The following SCAPER variants were observed in gnomAD, a reference collection of about 807,000 sequenced individuals.
SCAPER encodes S phase cyclin A-associated protein in the endoplasmic reticulum.
Under a neutral mutation model 182.2 loss-of-function variants are expected in SCAPER, and 98 were observed. The observed-to-expected ratio is 0.54, with a 90% CI of 0.46 to 0.64. The LOEUF (loss-of-function observed/expected upper bound fraction) is 0.64, where lower values mean the gene tolerates loss of function less well. Among genes scored for constraint, SCAPER ranks in the 30% least tolerant of loss-of-function variants. The pLI is 0.00. For missense variants in SCAPER, 1,432 were observed against 1,690.0 expected, an observed-to-expected ratio of 0.85 and a Z score of 2.68; for synonymous variants, 605 against 564.6, an observed-to-expected ratio of 1.07 and a Z score of -1.01.
chr15:76,381,261 T>G (rs138259050), intron 28 of SCAPER, 117 bp downstream of exon 28: 110 of 670,206 alleles, frequency 1.6e-4, no homozygotes, highest in African/African-American at 1.6e-3. Context: ...ATATTATAAT[T>G]CCATTTATTG....
At chr15:76,543,942 A>T (rs1387868577) in intron 23 of SCAPER, among the ~76,000 whole-genome samples, 1 of 152,222 alleles carries the variant, frequency 6.6e-6, no homozygotes, top group African/African-American at 2.4e-5. Context: ...TAACATTTCT[A>T]AGGGACTTAT....
At chr15:76,836,571 G>A (rs2068969888) in intron 5 of SCAPER, among the ~76,000 whole-genome samples, 1 of 152,022 alleles carries the variant, frequency 6.6e-6, no homozygotes, top group African/African-American at 2.4e-5. Flanking sequence ...AACTCAAAAT[G>A]GATTTAAAAA....
intron 20 of SCAPER, among the ~76,000 whole-genome samples, chr15:76,676,951 T>C (rs547922749): frequency 6.6e-6 from 1 of 151,960 alleles, no homozygotes; most frequent in East Asian, 1.9e-4. Context: ...GCAGTATCTT[T>C]CAAGTAAAGA....
At chr15:76,743,591 C>A (rs988460682) in intron 15 of SCAPER, among the ~76,000 whole-genome samples, 5 of 151,510 alleles carry the variant, frequency 3.3e-5, no homozygotes, top group Non-Finnish European at 5.9e-5. Context: ...TACAGCTAAC[C>A]AAAGAGGTGA....
Position 76,807,029 on chromosome 15 carries a change from C to A in SCAPER, c.394-2396G>T, listed in dbSNP as rs574804260. On this transcript the variant is annotated intron_variant, in intron 5 of 31. Coordinates refer to ENST00000563290, the MANE Select transcript of SCAPER (RefSeq NM_020843.4). Reference sequence around the variant, plus strand: ...CAAGTACAGTTTTACTTCTTCCTTTCCATCTAGATGTTTTCTATTATGTTT... The same window carrying A: ...CAAGTACAGTTTTACTTCTTCCTTTACATCTAGATGTTTTCTATTATGTTT... Among the ~76,000 whole-genome samples the A allele has an allele frequency of 2.4e-4, 36 of 152,270 alleles. No homozygotes were observed. The South Asian group carries it at 7.1e-3, about 30-fold the overall frequency.
intron 26 of SCAPER, among the ~76,000 whole-genome samples, chr15:76,428,894 A>ATATATATATATATATATATAGATATAT (rs71143324): frequency 7.2e-6 from 1 of 138,122 alleles, no homozygotes; most frequent in Non-Finnish European, 1.5e-5. Flanking sequence ...ATATATATAT[A>ATATATATATATATATATATAGATATAT]AACATCAAAA....
intron 20 of SCAPER, among the ~76,000 whole-genome samples, chr15:76,680,840 G>C (rs974248575): frequency 5.9e-5 from 9 of 152,164 alleles, no homozygotes; most frequent in African/African-American, 1.7e-4. Flanking sequence ...GTCAGCTAAA[G>C]AGATGTCTTT....
intron 5 of SCAPER, among the ~76,000 whole-genome samples, chr15:76,819,654 C>T (rs140315544): frequency 0.017 from 2,573 of 152,146 alleles, 36 homozygotes; most frequent in Middle Eastern, 0.048. Flanking sequence ...GTAGAAAAAC[C>T]GGAAACTCTA....
intron 3 of SCAPER, among the ~76,000 whole-genome samples, chr15:76,861,607 A>AT (rs938735344): frequency 2.6e-5 from 4 of 152,078 alleles, no homozygotes; most frequent in African/African-American, 7.2e-5. Context: ...GGTAGAGATG[A>AT]TTTTTTTTCT....
intron 22 of SCAPER, among the ~76,000 whole-genome samples, chr15:76,594,517 C>T (rs1176116244): frequency 8.3e-6 from 1 of 120,868 alleles, no homozygotes; most frequent in African/African-American, 2.5e-5. Flanking sequence ...CCCCAAGACA[C>T]ATAATCATCA....
intron 23 of SCAPER, among the ~76,000 whole-genome samples, chr15:76,510,227 GA>G (rs2041911447): frequency 6.6e-6 from 1 of 152,112 alleles, no homozygotes; most frequent in Non-Finnish European, 1.5e-5. Context: ...TAAATAGCTG[GA>G]ATTTAATTAA....
chr15:76,772,183 A>G (rs2063507587), intron 9 of SCAPER, among the ~76,000 whole-genome samples: 1 of 152,050 alleles, frequency 6.6e-6, no homozygotes, highest in Non-Finnish European at 1.5e-5. Context: ...GCACTATCCA[A>G]AGTTTTCTAA....
At chr15:76,563,733 C>T (rs2046821527) in intron 23 of SCAPER, among the ~76,000 whole-genome samples, 1 of 152,156 alleles carries the variant, frequency 6.6e-6, no homozygotes, top group Non-Finnish European at 1.5e-5. Context: ...AGGCCAATAT[C>T]CTTGAAGAAC....
chr15:76,885,669 G>C (rs2073800955), intron 1 of SCAPER, among the ~76,000 whole-genome samples: 1 of 152,122 alleles, frequency 6.6e-6, no homozygotes, highest in Non-Finnish European at 1.5e-5. Flanking sequence ...TTTTTTGGCA[G>C]AGACGGAGTT....
intron 23 of SCAPER, among the ~76,000 whole-genome samples, chr15:76,564,364 C>T (rs1205993889): frequency 6.6e-6 from 1 of 151,964 alleles, no homozygotes; most frequent in Non-Finnish European, 1.5e-5. Flanking sequence ...TCCTACACAC[C>T]AACAACAGTC....
chr15:76,563,403 C>A (rs946821814), intron 23 of SCAPER, among the ~76,000 whole-genome samples: 5 of 152,078 alleles, frequency 3.3e-5, no homozygotes, highest in African/African-American at 4.8e-5. Context: ...CCTCTATGCA[C>A]ATAAACTAGA....
At chr15:76,413,444 GT>G (rs2045435098) in intron 26 of SCAPER, among the ~76,000 whole-genome samples, 1 of 152,098 alleles carries the variant, frequency 6.6e-6, no homozygotes, top group Non-Finnish European at 1.5e-5. Context: ...GATGATCTTA[GT>G]TTCCTTTTGT....
chr15:76,799,309 G>A (rs551703105), intron 7 of SCAPER, among the ~76,000 whole-genome samples: 28 of 140,482 alleles, frequency 2.0e-4, no homozygotes, highest in South Asian at 1.6e-3. Context: ...TTTTTGAGAC[G>A]GAGTCTCACT....
chr15:76,880,713 A>C (rs1270502644), intron 2 of SCAPER, among the ~76,000 whole-genome samples: 1 of 151,420 alleles, frequency 6.6e-6, no homozygotes. Context: ...TATATTGCTA[A>C]GTGAAAAGAA....
Sources: allele counts gnomAD v4.1 joint callset (sites outside exome capture counted in the v4.1 genomes callset), GRCh38; gene constraint gnomAD v4.1.1; transcripts MANE v1.5; gene names NCBI Gene and HGNC (gene_info 2026-07-23, HGNC 2026-07-21).